The following EVI5 variants were observed in gnomAD, a reference collection of about 807,000 sequenced individuals.
The protein encoded by EVI5 is ecotropic viral integration site 5.
Under a neutral mutation model 112.0 loss-of-function variants are expected in EVI5, and 73 were observed. The ratio of observed to expected loss-of-function variants is 0.65; its 90% CI spans 0.54 to 0.79. The LOEUF (loss-of-function observed/expected upper bound fraction) is 0.79, where lower values mean the gene tolerates loss of function less well. EVI5 is among the 30% of genes least tolerant of loss of function. The pLI, the probability that EVI5 is intolerant of heterozygous loss-of-function variation, is 0.00. For synonymous variants in EVI5, 305 were observed against 319.9 expected, an observed-to-expected ratio of 0.95 and a Z score of 0.50; for missense variants, 900 against 968.8, an observed-to-expected ratio of 0.93 and a Z score of 0.94.
chr1:92,715,050 C>T (rs1018441202), intron 2 of EVI5, among the ~76,000 whole-genome samples: 2 of 151,814 alleles, frequency 1.3e-5, no homozygotes, highest in Non-Finnish European at 2.9e-5. Context: ...CTGTCACCCA[C>T]GATGGAGTGC....
chr1:92,676,453 A>T (rs1433585745), intron 10 of EVI5, among the ~76,000 whole-genome samples: 3 of 152,112 alleles, frequency 2.0e-5, no homozygotes, highest in Non-Finnish European at 4.4e-5. Context: ...TAGAAAGTGA[A>T]TTGGCCAATC....
intron 13 of EVI5, among the ~76,000 whole-genome samples, chr1:92,640,446 A>C (rs1267825993): frequency 6.6e-6 from 1 of 152,188 alleles, no homozygotes; most frequent in African/African-American, 2.4e-5. Context: ...TGGGCAAAGG[A>C]TATGAATAGA....
In EVI5 at chr1:92,752,912, C is replaced by G. The variant is rs189342898; in HGVS notation, c.-81-16285G>C. On this transcript the variant is annotated intron_variant, in intron 1 of 19. Transcript: ENST00000684568. ...ACACTTTATTGGGTGCTAAAAGTGT[C>G]GTCATAAACAAAATAGACATGGTCC... 1.2e-3 allele frequency among the ~76,000 whole-genome samples: 186 copies of G among 152,102 alleles called. 1 individual carries two copies. Among genetic ancestry groups the G allele is most frequent in the African/African-American group, 4.4e-3 (183 of 41,494 alleles).
chr1:92,769,776 A>C (rs189085853), intron 1 of EVI5, among the ~76,000 whole-genome samples: 1 of 152,134 alleles, frequency 6.6e-6, no homozygotes, highest in Admixed American at 6.5e-5. Flanking sequence ...ACTCCCAGCT[A>C]CTCAGGAGGC....
At chr1:92,550,815 A>ATATATATATATATAG (rs1557766729) in intron 19 of EVI5, among the ~76,000 whole-genome samples, 1 of 90,256 alleles carries the variant, frequency 1.1e-5, no homozygotes, top group Non-Finnish European at 2.2e-5. Context: ...TATATATATA[A>ATATATATATATATAG]CAAAAAAAAC....
At chr1:92,603,599 T>C (rs1649664830) in intron 18 of EVI5, among the ~76,000 whole-genome samples, 1 of 152,202 alleles carries the variant, frequency 6.6e-6, no homozygotes, top group South Asian at 2.1e-4. Flanking sequence ...GTAAGTTTAT[T>C]TATAAACTTC....
At chr1:92,704,162 A>T (rs1237845852) in intron 3 of EVI5, among the ~76,000 whole-genome samples, 1 of 152,044 alleles carries the variant, frequency 6.6e-6, no homozygotes, top group Non-Finnish European at 1.5e-5. Context: ...GGAAAATAAA[A>T]AATTAGCGAG....
intron 2 of EVI5, among the ~76,000 whole-genome samples, chr1:92,708,240 G>GA (rs1225715312): frequency 6.6e-6 from 1 of 151,540 alleles, no homozygotes; most frequent in Non-Finnish European, 1.5e-5. Context: ...AAATACTTGC[G>GA]AATCATAAGG....
chr1:92,767,779 T>G (rs942527580), intron 1 of EVI5, among the ~76,000 whole-genome samples: 1 of 152,156 alleles, frequency 6.6e-6, no homozygotes, highest in African/African-American at 2.4e-5. Context: ...TTATACAGAC[T>G]CAAATAAGCA....
At chr1:92,560,712 C>A (rs1557787540) in intron 19 of EVI5, among the ~76,000 whole-genome samples, 1 of 151,972 alleles carries the variant, frequency 6.6e-6, no homozygotes, top group Non-Finnish European at 1.5e-5. Flanking sequence ...CAGGTGCATG[C>A]CACCAGGCCT....
chr1:92,770,741 A>G (rs931557402), intron 1 of EVI5, among the ~76,000 whole-genome samples: 25 of 151,720 alleles, frequency 1.6e-4, no homozygotes, highest in South Asian at 4.2e-4. Context: ...AGTGAGCCGA[A>G]ATCGCGCCAC....
At chr1:92,724,477 T>A (rs1442263858) in intron 2 of EVI5, among the ~76,000 whole-genome samples, 1 of 152,114 alleles carries the variant, frequency 6.6e-6, no homozygotes, top group Non-Finnish European at 1.5e-5. Context: ...CCAAAAAATA[T>A]TGAACAAAAT....
chr1:92,663,273 T>C, intron 12 of EVI5, 147 bp downstream of exon 12: 1 of 405,020 alleles, frequency 2.5e-6, no homozygotes, highest in Non-Finnish European at 4.4e-6. Context: ...AAAATTAAAT[T>C]TATACCCACA....
At chr1:92,707,697 T>C (rs1672228625) in intron 2 of EVI5, among the ~76,000 whole-genome samples, 3 of 152,144 alleles carry the variant, frequency 2.0e-5, no homozygotes, top group African/African-American at 7.2e-5. Context: ...AAGTACAAAA[T>C]AGTATAACAC....
chr1:92,758,069 G>C (rs1681227650), intron 1 of EVI5, among the ~76,000 whole-genome samples: 1 of 151,928 alleles, frequency 6.6e-6, no homozygotes, highest in African/African-American at 2.4e-5. Flanking sequence ...CAATTTGATG[G>C]AGCCAATCAA....
At chr1:92,566,226 T>C (rs1428846571) in intron 18 of EVI5, among the ~76,000 whole-genome samples, 2 of 152,208 alleles carry the variant, frequency 1.3e-5, no homozygotes, top group African/African-American at 4.8e-5. Flanking sequence ...TTTAGTGTAA[T>C]TAATATTTGC....
intron 17 of EVI5, 69 bp downstream of exon 17, chr1:92,607,512 G>C: frequency 9.0e-7 from 1 of 1,110,298 alleles, no homozygotes; most frequent in Non-Finnish European, 1.2e-6. Flanking sequence ...ATCTAATCAC[G>C]ATAAAACAAA....
intron 16 of EVI5, 63 bp from the exon 17 acceptor site, chr1:92,607,790 A>T: frequency 1.8e-6 from 2 of 1,118,196 alleles, no homozygotes. Flanking sequence ...AAAAAAAATT[A>T]CCTATCCATT....
chr1:92,535,890 C>A (rs1280819431), intron 19 of EVI5, among the ~76,000 whole-genome samples: 4 of 151,858 alleles, frequency 2.6e-5, no homozygotes, highest in African/African-American at 9.7e-5. Flanking sequence ...CACACGTACC[C>A]CAGAACTTAC....
Sources: allele counts gnomAD v4.1 joint callset (sites outside exome capture counted in the v4.1 genomes callset), GRCh38; gene constraint gnomAD v4.1.1; transcripts MANE v1.5; gene names NCBI Gene and HGNC (gene_info 2026-07-23, HGNC 2026-07-21).